GRIN2B: variants seen among roughly 807,000 people sequenced by gnomAD.
GRIN2B encodes glutamate ionotropic receptor NMDA type subunit 2B.
A neutral mutation model predicts 114.5 loss-of-function variants in GRIN2B; 5 were observed. The ratio of observed to expected loss-of-function variants is 0.04; its 90% CI spans 0.02 to 0.09. The LOEUF (loss-of-function observed/expected upper bound fraction) is 0.09, where lower values mean the gene tolerates loss of function less well. Ranked by LOEUF, GRIN2B falls within the 10% of genes least tolerant of loss-of-function variation. The pLI is 1.00. For missense variants in GRIN2B, 1,108 were observed against 1,943.5 expected (o/e 0.57, Z 8.08); for synonymous variants, 787 against 745.1 (o/e 1.06, Z -0.92).
chr12:13,560,646 A>G lies in GRIN2B; in HGVS notation c.*2137T>C, dbSNP rs1259972441. 6.6e-6 allele frequency: 1 copy of G among 152,232 alleles called. No homozygotes were observed. Among genetic ancestry groups the G allele is most frequent in the African/African-American group, 2.4e-5 (1 of 41,444 alleles). The allele number at this position is 152,232 out of a possible 1,614,324, so 9.4% of individuals were successfully genotyped here. A position where few individuals can be genotyped will look rare whatever the true frequency, so the allele number is the denominator to read the frequency against. ...TGCCTCATGCCCTCTGTCCTCTCTC[A>G]GTCTTTTCTGTTATCTAAGGTAAAG... On this transcript the variant is annotated 3_prime_UTR_variant, in exon 14 of 14. Coordinates refer to ENST00000609686, the MANE Select transcript of GRIN2B (RefSeq NM_000834.5).
chr12:13,605,268 A>C (rs1949223965), intron 10 of GRIN2B, among the ~76,000 whole-genome samples: 2 of 152,118 alleles, frequency 1.3e-5, no homozygotes, highest in African/African-American at 4.8e-5. Flanking sequence ...GGAAATGACT[A>C]ATTTCCCAGA....
intron 10 of GRIN2B, among the ~76,000 whole-genome samples, chr12:13,602,807 A>C (rs1284447133): frequency 1.3e-5 from 2 of 152,210 alleles, no homozygotes; most frequent in Non-Finnish European, 2.9e-5. Flanking sequence ...AGCTACCCTC[A>C]TTAAGCAGAT....
chr12:13,966,428 C>A (rs1867791267), intron 2 of GRIN2B, among the ~76,000 whole-genome samples: 1 of 152,190 alleles, frequency 6.6e-6, no homozygotes, highest in Non-Finnish European at 1.5e-5. Flanking sequence ...TTCATGGTGA[C>A]TTTGTCCTAG....
At chr12:13,872,302 A>C (rs1193287290) in intron 2 of GRIN2B, among the ~76,000 whole-genome samples, 7 of 152,000 alleles carry the variant, frequency 4.6e-5, no homozygotes, top group African/African-American at 1.4e-4. Context: ...TAAAAATACA[A>C]AAAATTAACT....
Position 13,569,888 on chromosome 12 carries a change from T to C in GRIN2B, c.2301A>G (p.Gln767=). The part of the protein sequence containing the change: ...FASTGYGIAI[Q]KDSGWKRQVD... ...CCTGGCGCTTCCACCCAGAATCTTT[T>C]TGGATGGCAATGCCATAGCCAGTGG... The change falls in exon 12 of 14, where the codon CAA becomes CAG. Residue 767 remains glutamine (Q), a synonymous_variant. Transcript: ENST00000609686. 6.2e-7 allele frequency: 1 copy of C among 1,613,126 alleles called. No homozygotes were observed. Among genetic ancestry groups the C allele is most frequent in the Non-Finnish European group, 8.5e-7 (1 of 1,179,416 alleles).
chr12:13,748,311 C>G (rs1033478540), intron 4 of GRIN2B, among the ~76,000 whole-genome samples: 2 of 152,206 alleles, frequency 1.3e-5, no homozygotes, highest in African/African-American at 2.4e-5. Context: ...GCAGCGGGCT[C>G]TCAGGACAGA....
In GRIN2B at chr12:13,556,321, A is replaced by G. The variant is rs902366417; in HGVS notation, c.*6462T>C. The G allele has an allele frequency of 2.0e-5, 3 of 152,190 alleles. No homozygotes were observed. The highest frequency in any genetic ancestry group is 7.2e-5 in the African/African-American group (3 of 41,450). 9.4% of individuals were successfully genotyped at this position (152,190 alleles called of 1,614,324 possible). On this transcript the variant is annotated 3_prime_UTR_variant, in exon 14 of 14. Transcript: ENST00000609686. ...TGTATAATCATACAAATGTATGCATACCTATTTATACATACATTTACATAT... is the reference window on the plus strand; with the variant it reads ...TGTATAATCATACAAATGTATGCATGCCTATTTATACATACATTTACATAT...
intron 3 of GRIN2B, among the ~76,000 whole-genome samples, chr12:13,802,623 T>G (rs1473728253): frequency 6.6e-6 from 1 of 152,164 alleles, no homozygotes; most frequent in Admixed American, 6.6e-5. Context: ...TAAGAAATTA[T>G]GTAGAAAGAT....
At chr12:13,575,292 T>C (rs536294103) in intron 10 of GRIN2B, among the ~76,000 whole-genome samples, 48 of 152,268 alleles carry the variant, frequency 3.2e-4, no homozygotes, top group African/African-American at 1.1e-3. Flanking sequence ...TGAAAATAAA[T>C]TAAAGCTATT....
At chr12:13,620,305 G>A (rs1258420201) in intron 5 of GRIN2B, among the ~76,000 whole-genome samples, 5 of 152,180 alleles carry the variant, frequency 3.3e-5, no homozygotes, top group Non-Finnish European at 7.3e-5. Flanking sequence ...TCTTCCTTAC[G>A]GGCCTGCTCA....
chr12:13,566,938 T>C, intron 13 of GRIN2B, 87 bp downstream of exon 13: 1 of 889,138 alleles, frequency 1.1e-6, no homozygotes, highest in Non-Finnish European at 1.9e-6. Flanking sequence ...GGGGTGGAGA[T>C]AGTGTCCTCT....
intron 2 of GRIN2B, among the ~76,000 whole-genome samples, chr12:13,967,840 A>G (rs1321065867): frequency 1.3e-5 from 2 of 152,140 alleles, no homozygotes; most frequent in South Asian, 2.1e-4. Context: ...GGAGGTGGGG[A>G]GGGCACTGCA....
chr12:13,818,737 C>T (rs1261814558), intron 3 of GRIN2B, among the ~76,000 whole-genome samples: 1 of 152,170 alleles, frequency 6.6e-6, no homozygotes, highest in Non-Finnish European at 1.5e-5. Context: ...AAGACAGAAC[C>T]ATCATGACAG....
At chr12:13,789,460 C>T (rs994004585) in intron 3 of GRIN2B, among the ~76,000 whole-genome samples, 1 of 152,138 alleles carries the variant, frequency 6.6e-6, no homozygotes, top group Non-Finnish European at 1.5e-5. Flanking sequence ...GGCAAGTTTT[C>T]CTTAAATCAC....
intron 10 of GRIN2B, among the ~76,000 whole-genome samples, chr12:13,598,623 A>G (rs142685346): frequency 5.3e-5 from 8 of 150,152 alleles, no homozygotes; most frequent in African/African-American, 2.0e-4. Context: ...CAGCTACCCC[A>G]CCCCCTCCAC....
chr12:13,608,426 G>T (rs1247383353), intron 10 of GRIN2B, among the ~76,000 whole-genome samples, 177 bp downstream of exon 10: 2 of 152,154 alleles, frequency 1.3e-5, no homozygotes, highest in Non-Finnish European at 2.9e-5. Flanking sequence ...AGGCCAACAT[G>T]AAGTCATATT....
intron 2 of GRIN2B, among the ~76,000 whole-genome samples, chr12:13,911,215 A>G (rs959428894): frequency 5.9e-5 from 9 of 152,252 alleles, no homozygotes; most frequent in African/African-American, 2.2e-4. Flanking sequence ...AAAAAAAAAT[A>G]AAGGATAATG....
At chr12:13,944,889 G>C (rs543965953) in intron 2 of GRIN2B, among the ~76,000 whole-genome samples, 2 of 152,282 alleles carry the variant, frequency 1.3e-5, no homozygotes, top group South Asian at 4.1e-4. Context: ...CTGAGAGGGA[G>C]AGCTATGGGC....
intron 4 of GRIN2B, among the ~76,000 whole-genome samples, chr12:13,749,636 A>G (rs1253989548): frequency 1.3e-5 from 2 of 152,206 alleles, no homozygotes; most frequent in African/African-American, 4.8e-5. Context: ...TTTGTTATTT[A>G]AAAGAGTGAC....
Sources: gnomAD v4.1 joint callset for allele counts (sites outside exome capture counted in the v4.1 genomes callset) on GRCh38, gnomAD v4.1.1 for gene constraint, MANE v1.5 for transcripts, NCBI Gene and HGNC (gene_info 2026-07-23, HGNC 2026-07-21) for gene names.